TMEM35A: variants seen among roughly 807,000 people sequenced by gnomAD.
The protein encoded by TMEM35A is transmembrane protein 35A, also known as nicotinic acetylcholine receptor chaperone.
For synonymous variants in TMEM35A, 50 were observed against 54.7 expected, an observed-to-expected ratio of 0.91 and a Z score of 0.38; for missense variants, 83 against 132.7, an observed-to-expected ratio of 0.63 and a Z score of 1.84.
intron 1 of TMEM35A, among the ~76,000 whole-genome samples, chrX:101,086,475 T>C (rs2089307726): frequency 8.9e-6 from 1 of 112,326 alleles, no homozygotes; most frequent in Non-Finnish European, 1.9e-5. Flanking sequence ...CAGCTGATGC[T>C]ATGACACTTT....
rs1019336398 is a variant in TMEM35A, at chrX:101,083,722, G to A, written c.120+4600G>A. Among the ~76,000 whole-genome samples, 4 of 111,538 alleles carry A rather than the reference G, an allele frequency of 3.6e-5. 1 individual carries two copies. The highest frequency in any genetic ancestry group is 2.9e-4 in the Admixed American group (3 of 10,390). ...CAGAGAGGAAACCGAGACCCTGAGAGGTGAAGCAGCTTTGCTTAATTCACA... is the reference window on the plus strand; with the variant it reads ...CAGAGAGGAAACCGAGACCCTGAGAAGTGAAGCAGCTTTGCTTAATTCACA... On this transcript the variant is annotated intron_variant, in intron 1 of 1. Transcript: ENST00000372930.
chrX:101,094,375 A>G, intron 1 of TMEM35A, 198 bp from the exon 2 acceptor site: 1 of 336,978 alleles, frequency 3.0e-6, no homozygotes, highest in East Asian at 4.8e-5. Flanking sequence ...TCGGCCTCCC[A>G]AAGTGCTGAG....
At chrX:101,083,011 A>G (rs2089297100) in intron 1 of TMEM35A, among the ~76,000 whole-genome samples, 1 of 111,599 alleles carries the variant, frequency 9.0e-6, no homozygotes, top group South Asian at 3.8e-4. Context: ...CCTTTATGCA[A>G]TCAATTAATA....
intron 1 of TMEM35A, among the ~76,000 whole-genome samples, chrX:101,079,508 G>A (rs2089285626): frequency 9.0e-6 from 1 of 111,323 alleles, no homozygotes; most frequent in African/African-American, 3.3e-5. Flanking sequence ...TTTAGCAAGC[G>A]GAGAGTTTAT....
At chrX:101,083,491 T>A (rs1360638124) in intron 1 of TMEM35A, among the ~76,000 whole-genome samples, 2 of 111,829 alleles carry the variant, frequency 1.8e-5, no homozygotes, top group East Asian at 5.6e-4. Context: ...GTTGATTTGA[T>A]TTATTTGTTT....
intron 1 of TMEM35A, among the ~76,000 whole-genome samples, chrX:101,093,184 T>C (rs748664832): frequency 8.9e-6 from 1 of 112,559 alleles, no homozygotes; most frequent in Non-Finnish European, 1.9e-5. Flanking sequence ...TTTTGCTTAG[T>C]ATTCATATGC....
chrX:101,091,839 C>CT (rs778894478), intron 1 of TMEM35A, among the ~76,000 whole-genome samples: 1 of 111,287 alleles, frequency 9.0e-6, no homozygotes, highest in East Asian at 2.8e-4. Context: ...GTGCCATTTC[C>CT]TTTTTTATCT....
intron 1 of TMEM35A, among the ~76,000 whole-genome samples, chrX:101,080,605 G>A (rs1386619202): frequency 1.8e-5 from 2 of 109,800 alleles, no homozygotes; most frequent in Non-Finnish European, 3.8e-5. Context: ...GAGGGACAGG[G>A]TGGGGTAGCA....
rs1227487928 is a variant in TMEM35A, at chrX:101,090,897, C to T, written c.121-3676C>T. ...TGTTGCCCAGGCTGGAGTGCAATGG[C>T]GTGATCTCGGGTCACCGCAACCTCT... On this transcript the variant is annotated intron_variant, in intron 1 of 1. Transcript: ENST00000372930. Among the ~76,000 whole-genome samples, 4 of 105,571 alleles carry T rather than the reference C, an allele frequency of 3.8e-5. No individual in the cohort carries two copies. In the East Asian group the frequency reaches 8.9e-4, roughly 24 times the overall value. The allele number at this position is 105,571 out of a possible 115,157, so 91.7% of individuals were successfully genotyped here.
intron 1 of TMEM35A, among the ~76,000 whole-genome samples, chrX:101,080,932 C>A (rs1369533522): frequency 1.8e-5 from 2 of 110,229 alleles, no homozygotes; most frequent in Non-Finnish European, 3.8e-5. Context: ...GGCAATCCAA[C>A]TAAGATGGAG....
chrX:101,089,324 G>A (rs770006731), intron 1 of TMEM35A, among the ~76,000 whole-genome samples: 20 of 110,965 alleles, frequency 1.8e-4, no homozygotes, highest in African/African-American at 6.5e-4. Context: ...AAGCAGGGTC[G>A]TGCAAGTGTA....
intron 1 of TMEM35A, among the ~76,000 whole-genome samples, chrX:101,090,169 C>CTTTCTTTTTT (rs1556381270): frequency 2.1e-5 from 2 of 97,527 alleles, no homozygotes; most frequent in African/African-American, 8.8e-5. Flanking sequence ...TTCTTTCTTT[C>CTTTCTTTTTT]TTTTTTTTTT....
In TMEM35A at chrX:101,082,495, T is replaced by G. The variant is rs2089295767; in HGVS notation, c.120+3373T>G. Among the ~76,000 whole-genome samples, 3 of 107,560 alleles carry G rather than the reference T, an allele frequency of 2.8e-5. No homozygotes were observed. The Admixed American group carries it at 3.0e-4, about 11-fold the overall frequency. The allele number at this position is 107,560 out of a possible 115,157, so 93.4% of individuals were successfully genotyped here. A position where few individuals can be genotyped will look rare whatever the true frequency, so the allele number is the denominator to read the frequency against. On this transcript the variant is annotated intron_variant, in intron 1 of 1. Coordinates refer to ENST00000372930, the MANE Select transcript of TMEM35A (RefSeq NM_021637.3). ...AGGCTGTAAACATTAACTGAGATTA[T>G]GTATAAAAGTGTCTGGTACAGTGTT...
chrX:101,081,648 T>C (rs2089292251), intron 1 of TMEM35A: 1 of 111,847 alleles, frequency 8.9e-6, no homozygotes, highest in Admixed American at 9.5e-5. Context: ...ATTTTTTGTT[T>C]TCCATTAAGG....
intron 1 of TMEM35A, among the ~76,000 whole-genome samples, chrX:101,088,515 G>A (rs919468510): frequency 1.8e-5 from 2 of 111,877 alleles, no homozygotes; most frequent in Non-Finnish European, 3.8e-5. Flanking sequence ...AACTCGGGAG[G>A]CTGAGGCGGG....
chrX:101,079,895 T>C (rs756116906), intron 1 of TMEM35A, among the ~76,000 whole-genome samples: 83 of 111,530 alleles, frequency 7.4e-4, no homozygotes, highest in African/African-American at 2.3e-3. Flanking sequence ...CTCTGCAGAG[T>C]TGGAATCAAT....
At chrX:101,091,652 A>AG (rs1244641297) in intron 1 of TMEM35A, among the ~76,000 whole-genome samples, 1 of 111,889 alleles carries the variant, frequency 8.9e-6, no homozygotes, top group Non-Finnish European at 1.9e-5. Context: ...CTTATAAGAC[A>AG]AAGTCCAGCT....
At chrX:101,082,065 T>C (rs1287892902) in intron 1 of TMEM35A, among the ~76,000 whole-genome samples, 1 of 110,174 alleles carries the variant, frequency 9.1e-6, no homozygotes, top group Non-Finnish European at 1.9e-5. Flanking sequence ...TTCAATTTTG[T>C]TTTACTACAA....
At chrX:101,085,923 G>A (rs181746511) in intron 1 of TMEM35A, among the ~76,000 whole-genome samples, 9 of 110,178 alleles carry the variant, frequency 8.2e-5, no homozygotes, top group East Asian at 5.7e-4. Context: ...GCGACAGAGC[G>A]AGACTCTGTC....
Sources: allele counts gnomAD v4.1 joint callset (sites outside exome capture counted in the v4.1 genomes callset), GRCh38; gene constraint gnomAD v4.1.1; transcripts MANE v1.5; gene names NCBI Gene and HGNC (gene_info 2026-07-23, HGNC 2026-07-21).